Variants in CACNA1C observed in about 807,000 individuals in gnomAD.
CACNA1C encodes voltage-dependent L-type calcium channel subunit alpha-1C.
In CACNA1C, 30 loss-of-function variants were observed where a neutral mutation model predicts 229.0. The ratio of observed to expected loss-of-function variants is 0.13; its 90% CI spans 0.10 to 0.18. CACNA1C has a LOEUF of 0.18. Ranked by LOEUF, CACNA1C falls within the 10% of genes least tolerant of loss-of-function variation. The probability of loss-of-function intolerance (pLI) is 1.00; values close to 1 mark genes in which losing one functional copy is unlikely to be tolerated. For missense variants in CACNA1C, 1,658 were observed against 2,845.0 expected (o/e 0.58, Z 9.49); for synonymous variants, 1,114 against 1,132.5 (o/e 0.98, Z 0.33).
At chr12:2,372,972 C>T (rs556384059) in intron 3 of CACNA1C, among the ~76,000 whole-genome samples, 63 of 152,358 alleles carry the variant, frequency 4.1e-4, no homozygotes, top group Non-Finnish European at 2.8e-4. Context: ...GACTCACCAT[C>T]CAAAGGAATG....
chr12:2,053,995 C>G lies in CACNA1C; in HGVS notation c.49+384C>G, dbSNP rs1369964907. Among the ~76,000 whole-genome samples, 2 of 147,980 alleles carry G rather than the reference C, an allele frequency of 1.4e-5. No homozygotes were observed. The highest frequency in any genetic ancestry group is 3.0e-5 in the Non-Finnish European group (2 of 66,658). On this transcript the variant is annotated intron_variant, in intron 1 of 46. Coordinates refer to ENST00000399655, the MANE Select transcript of CACNA1C (RefSeq NM_000719.7). This position sits in a 1 kb window ranked among gnomAD's most constrained non-coding sequence, Gnocchi z 5.8. ...GCAGAGGGCGCCGGCGCCGCGGAGCCCAGAGGCCCGGGGTCCCTCGCCCGG... is the reference window on the plus strand; with the variant it reads ...GCAGAGGGCGCCGGCGCCGCGGAGCGCAGAGGCCCGGGGTCCCTCGCCCGG...
chr12:2,055,756 G>T (rs2054462197), intron 1 of CACNA1C, among the ~76,000 whole-genome samples: 1 of 152,202 alleles, frequency 6.6e-6, no homozygotes, highest in Admixed American at 6.5e-5. Context: ...CATGGGAGCA[G>T]TTTTGCCTCC....
intron 30 of CACNA1C, among the ~76,000 whole-genome samples, chr12:2,645,763 C>T (rs1322621130): frequency 2.0e-5 from 3 of 152,172 alleles, no homozygotes; most frequent in African/African-American, 2.4e-5. Context: ...TATGAGACCA[C>T]GGACCTTGTA....
chr12:2,425,656 G>C (rs1292758793), intron 3 of CACNA1C, among the ~76,000 whole-genome samples: 2 of 152,148 alleles, frequency 1.3e-5, no homozygotes, highest in Non-Finnish European at 2.9e-5. Flanking sequence ...TAGAGGTGTG[G>C]CTTTAAATGC....
At chr12:2,581,244 G>A (rs190414851) in intron 13 of CACNA1C, among the ~76,000 whole-genome samples, 10 of 152,320 alleles carry the variant, frequency 6.6e-5, no homozygotes, top group Admixed American at 2.6e-4. Context: ...GCCTAATGAA[G>A]CAAGGGCTAC....
rs770002714 is a variant in CACNA1C at position 2,684,258 on chromosome 12, A to G, written c.5574-1478A>G. ...CATGGAAAGAGTCCCAACCAGCGGC[A>G]CTTGACAAATCACTCAACTGCCCTG... On this transcript the variant is annotated intron_variant, in intron 43 of 46. Coordinates refer to ENST00000399655, the MANE Select transcript of CACNA1C (RefSeq NM_000719.7). Among the ~76,000 whole-genome samples, 7 of 152,194 alleles carry G rather than the reference A, an allele frequency of 4.6e-5. No individual in the cohort carries two copies. The East Asian group carries it at 7.7e-4, about 17-fold the overall frequency.
chr12:2,460,105 C>T (rs939495078), intron 5 of CACNA1C, among the ~76,000 whole-genome samples: 16 of 152,256 alleles, frequency 1.1e-4, no homozygotes, highest in Non-Finnish European at 1.6e-4. Flanking sequence ...CCACATTCTG[C>T]GTGCCATCCA....
intron 3 of CACNA1C, among the ~76,000 whole-genome samples, chr12:2,382,840 G>A (rs751792789): frequency 1.3e-5 from 2 of 152,132 alleles, no homozygotes; most frequent in Non-Finnish European, 2.9e-5. Flanking sequence ...GAGCTCATCC[G>A]AGATCTTGAG....
intron 5 of CACNA1C, among the ~76,000 whole-genome samples, chr12:2,458,666 G>A (rs2099464145): frequency 6.6e-6 from 1 of 152,210 alleles, no homozygotes; most frequent in Admixed American, 6.5e-5. Context: ...CAGGAAGACA[G>A]AGGACCTCCG....
At position 2,095,028 on chromosome 12, in the gene CACNA1C, T is replaced by G. The variant is rs377236633; in HGVS notation, c.50-20196T>G. Among the ~76,000 whole-genome samples the G allele has an allele frequency of 1.6e-4, 25 of 152,322 alleles. 1 individual carries two copies. In the East Asian group the frequency reaches 3.9e-3, roughly 23 times the overall value. ...ACTCTTGTCACAACTCAGAGATATC[T>G]AAGTCTCAGAAACGTAAATAAGTTG... On this transcript the variant is annotated intron_variant, in intron 1 of 46. Coordinates refer to ENST00000399655, the MANE Select transcript of CACNA1C (RefSeq NM_000719.7).
intron 1 of CACNA1C, among the ~76,000 whole-genome samples, chr12:2,088,808 G>A (rs2068786317): frequency 6.6e-6 from 1 of 152,066 alleles, no homozygotes; most frequent in Non-Finnish European, 1.5e-5. Context: ...TCAACACACG[G>A]GGAAAGCAAT....
chr12:2,631,923 G>A (rs1352748580), intron 29 of CACNA1C, among the ~76,000 whole-genome samples: 1 of 152,246 alleles, frequency 6.6e-6, no homozygotes, highest in Non-Finnish European at 1.5e-5. Flanking sequence ...TGGCTGGGAA[G>A]TGGGAAGTTA....
chr12:2,614,643 C>T (rs904776973), intron 29 of CACNA1C: 2 of 152,216 alleles, frequency 1.3e-5, no homozygotes, highest in East Asian at 1.9e-4. Context: ...CTCTGTGCTG[C>T]ACTTTTTATT....
At chr12:2,682,474 G>A in intron 42 of CACNA1C, 76 bp from the exon 43 acceptor site, 1 of 1,552,512 alleles carries the variant, frequency 6.4e-7, no homozygotes, top group Non-Finnish European at 8.7e-7. Flanking sequence ...GTGTGCGTGT[G>A]TGATGCTTTA....
intron 30 of CACNA1C, among the ~76,000 whole-genome samples, chr12:2,645,312 C>T (rs1378902201): frequency 6.6e-6 from 1 of 152,166 alleles, no homozygotes; most frequent in East Asian, 1.9e-4. Context: ...ATGGGAGAAA[C>T]TACAAACTAA....
Position 2,531,701 on chromosome 12 carries a change from G to T in CACNA1C, c.1391-18242G>T, listed in dbSNP as rs528296165. ...CTTCTCTGCCAGCACGCATCCAGCAGCTGACTCTTTCCTCGGGGCCCACGC... is the reference window on the plus strand; with the variant it reads ...CTTCTCTGCCAGCACGCATCCAGCATCTGACTCTTTCCTCGGGGCCCACGC... On this transcript the variant is annotated intron_variant, in intron 9 of 46. Coordinates refer to ENST00000399655, the MANE Select transcript of CACNA1C (RefSeq NM_000719.7). 8.5e-5 allele frequency among the ~76,000 whole-genome samples: 13 copies of T among 152,316 alleles called. No homozygotes were observed. The East Asian group carries it at 2.5e-3, about 29-fold the overall frequency.
At chr12:2,664,598 G>T (rs1027308629) in intron 34 of CACNA1C, among the ~76,000 whole-genome samples, 6 of 152,194 alleles carry the variant, frequency 3.9e-5, no homozygotes, top group African/African-American at 1.4e-4. Context: ...AAAACAGCAA[G>T]TTTTCGGAAA....
intron 3 of CACNA1C, among the ~76,000 whole-genome samples, chr12:2,263,392 G>A (rs1375189696): frequency 1.3e-5 from 2 of 152,182 alleles, no homozygotes; most frequent in East Asian, 1.9e-4. Context: ...AGGTCAGTGA[G>A]GAACAGAGGG....
At chr12:2,197,577 C>T (rs1035042378) in intron 3 of CACNA1C, among the ~76,000 whole-genome samples, 2 of 152,162 alleles carry the variant, frequency 1.3e-5, no homozygotes, top group African/African-American at 2.4e-5. Context: ...TTAAGTCAGC[C>T]TGTAATATGT....
Sources: allele counts gnomAD v4.1 joint callset (sites outside exome capture counted in the v4.1 genomes callset), GRCh38; gene constraint gnomAD v4.1.1; non-coding constraint Gnocchi (gnomAD v3.1); transcripts MANE v1.5; gene names NCBI Gene and HGNC (gene_info 2026-07-23, HGNC 2026-07-21).